Variants in MOG observed in about 807,000 individuals in gnomAD.
The protein encoded by MOG is myelin oligodendrocyte glycoprotein.
Under a neutral mutation model 35.9 loss-of-function variants are expected in MOG, and 20 were observed. The observed-to-expected ratio is 0.56, with a 90% CI of 0.39 to 0.81. MOG has a LOEUF of 0.81. MOG is among the 30% of genes least tolerant of loss of function. The pLI, the probability that MOG is intolerant of heterozygous loss-of-function variation, is 0.00. For missense variants in MOG, 251 were observed against 301.0 expected, an observed-to-expected ratio of 0.83 and a Z score of 1.23; for synonymous variants, 92 against 114.3, an observed-to-expected ratio of 0.80 and a Z score of 1.25.
rs909589307 is a variant in MOG, at chr6:29,662,772, C to G, written c.436+3106C>G. Among the ~76,000 whole-genome samples the G allele has an allele frequency of 1.6e-4, 24 of 152,156 alleles. No homozygotes were observed. Among genetic ancestry groups the G allele is most frequent in the African/African-American group, 5.3e-4 (22 of 41,450 alleles). On this transcript the variant is annotated intron_variant, in intron 2 of 7. Coordinates refer to ENST00000376917, the MANE Select transcript of MOG (RefSeq NM_206809.4). The surrounding 1 kb of genome is among the most constrained non-coding windows in gnomAD (Gnocchi z 4.2). ...TGCCTCCCGGGCAGAAGCCATCCTC[C>G]CACCTCAGCCTACATAGTAGCTGGG...
chr6:29,665,635 T>C (rs1770042540), intron 2 of MOG, among the ~76,000 whole-genome samples: 1 of 151,388 alleles, frequency 6.6e-6, no homozygotes, highest in Admixed American at 6.6e-5. Flanking sequence ...TCTCTTAACA[T>C]TTCTCCCTAT....
chr6:29,663,816 G>T (rs1562191700), intron 2 of MOG, among the ~76,000 whole-genome samples: 1 of 152,152 alleles, frequency 6.6e-6, no homozygotes, highest in Non-Finnish European at 1.5e-5. Context: ...GAAAGTAAAG[G>T]TAGCTGCATT....
In MOG at chr6:29,672,314, A is replaced by AAATG; in HGVS notation, c.*1132_*1133insGAAT. ...AAAATAAATAAATAAATAAATAAAT[A>AAATG]AATAAATAAATAAATAAATAAAAAA... On this transcript the variant is annotated 3_prime_UTR_variant, in exon 8 of 8. Transcript: ENST00000376917. 4.0e-6 allele frequency: 1 copy of AAATG among 251,652 alleles called. No homozygotes were observed. The highest frequency in any genetic ancestry group is 8.0e-5 in the East Asian group (1 of 12,566). The allele number at this position is 251,652 out of a possible 1,614,324, so 15.6% of individuals were successfully genotyped here.
rs1471640704 is a variant in MOG, at chr6:29,661,813, T to G, written c.436+2147T>G. The G allele has an allele frequency of 1.0e-3, 822 of 821,920 alleles. 1 individual carries two copies. Among genetic ancestry groups the G allele is most frequent in the Middle Eastern group, 5.8e-3 (9 of 1,562 alleles). 50.9% of individuals were successfully genotyped at this position (821,920 alleles called of 1,614,324 possible). ...TCTGGGCAAGAAAAGTGGAACTCCATCTCAAAAAAAAAAAAAAAAAAAAAA... is the reference window on the plus strand; with the variant it reads ...TCTGGGCAAGAAAAGTGGAACTCCAGCTCAAAAAAAAAAAAAAAAAAAAAA... On this transcript the variant is annotated intron_variant, in intron 2 of 7. Transcript: ENST00000376917.
intron 1 of MOG, 45 bp downstream of exon 1, chr6:29,657,342 G>C (rs1767317369): frequency 1.4e-6 from 2 of 1,429,230 alleles, no homozygotes; most frequent in Middle Eastern, 1.7e-4. Context: ...CCTGAAAACA[G>C]AAAGGCTAGT....
At chr6:29,664,907 A>C in intron 2 of MOG, 1 of 236,168 alleles carries the variant, frequency 4.2e-6, no homozygotes, top group Non-Finnish European at 8.6e-6. Context: ...CACCACACCT[A>C]GCCAGAAGAA....
At chr6:29,667,570 C>T (rs1045451539) in intron 3 of MOG, 73 bp from the exon 4 acceptor site, 37 of 1,515,450 alleles carry the variant, frequency 2.4e-5, no homozygotes, top group East Asian at 1.4e-4. Flanking sequence ...GGGGCCCAGG[C>T]GCTGGGTGTG....
chr6:29,657,423 C>T (rs368463842), intron 1 of MOG, 126 bp downstream of exon 1: 2 of 762,768 alleles, frequency 2.6e-6, no homozygotes. Flanking sequence ...GACCTACTGA[C>T]ATGCCTCCCT....
Position 29,666,260 on chromosome 6 carries a change from T to C in MOG, c.545T>C (p.Leu182Pro). 6.3e-7 allele frequency: 1 copy of C among 1,588,758 alleles called. No individual in the cohort carries two copies. Among genetic ancestry groups the C allele is most frequent in the African/African-American group, 1.3e-5 (1 of 74,562 alleles). Reference protein sequence around the residue: ...GLIFLCLQYRLRGKLRAEIEN... With the variant: ...GLIFLCLQYRPRGKLRAEIEN... Reference sequence around the variant, plus strand: ...ATCTTCCTCTGCCTGCAGTACAGACTGAGAGGTACAGGGCAGAGGGTGGGT... The same window carrying C: ...ATCTTCCTCTGCCTGCAGTACAGACCGAGAGGTACAGGGCAGAGGGTGGGT... The change falls in exon 3 of 8, where the codon CTG becomes CCG. Residue 182 changes from leucine (L) to proline (P), a missense_variant. Transcript: ENST00000376917.
At chr6:29,665,163 C>A (rs1769922006) in intron 2 of MOG, among the ~76,000 whole-genome samples, 1 of 150,812 alleles carries the variant, frequency 6.6e-6, no homozygotes, top group Admixed American at 6.6e-5. Context: ...ATGGCAAGAT[C>A]TCGGCTCACC....
intron 5 of MOG, among the ~76,000 whole-genome samples, chr6:29,668,662 G>GT (rs201103919): frequency 0.019 from 2,843 of 152,248 alleles, 42 homozygotes; most frequent in Admixed American, 0.034. Context: ...AATTAGACCA[G>GT]TGTGTGGACC....
chr6:29,660,732 T>G (rs1253004980), intron 2 of MOG, among the ~76,000 whole-genome samples: 1 of 148,990 alleles, frequency 6.7e-6, no homozygotes, highest in Non-Finnish European at 1.5e-5. Flanking sequence ...TTCTTTCTTT[T>G]CTTTTTTTTT....
At position 29,659,342 on chromosome 6, in the gene MOG, A is replaced by G; in HGVS notation, c.112A>G (p.Arg38Gly). 1 of 1,612,900 alleles carries G rather than the reference A, an allele frequency of 6.2e-7. No individual in the cohort carries two copies. The highest frequency in any genetic ancestry group is 1.3e-5 in the African/African-American group (1 of 75,018). ...AGGGCAGTTCAGAGTGATAGGACCA[A>G]GACACCCTATCCGGGCTCTGGTCGG... is the stretch of plus-strand genomic sequence containing the variant. Reference protein sequence around the residue: ...YAGQFRVIGPRHPIRALVGDE... With the variant: ...YAGQFRVIGPGHPIRALVGDE... Residue 38 changes from arginine to glycine, a missense_variant, in exon 2 of 8, where the codon AGA becomes GGA. Transcript: ENST00000376917.
intron 5 of MOG, among the ~76,000 whole-genome samples, chr6:29,668,287 T>G (rs1770666188): frequency 6.6e-6 from 1 of 152,180 alleles, no homozygotes; most frequent in Non-Finnish European, 1.5e-5. Context: ...AAGACACAAC[T>G]GTATCACCTG....
chr6:29,658,977 C>T (rs895733613), intron 1 of MOG, among the ~76,000 whole-genome samples: 2 of 151,758 alleles, frequency 1.3e-5, no homozygotes, highest in East Asian at 1.9e-4. Context: ...CTGGATGCGG[C>T]GGTAGGTGCC....
At chr6:29,665,393 G>C (rs1340375018) in intron 2 of MOG, among the ~76,000 whole-genome samples, 1 of 152,038 alleles carries the variant, frequency 6.6e-6, no homozygotes, top group Non-Finnish European at 1.5e-5. Context: ...ACCGCACCTG[G>C]CCAATATTTG....
Position 29,670,035 on chromosome 6 carries a change from T to C in MOG, c.593-246T>C. ...CCACCCGTCTCGGACTCCCAGAGTG[T>C]TGGGATTACAGGCATGAGCCACCAC... On this transcript the variant is annotated intron_variant, in intron 5 of 7. Transcript: ENST00000376917. The surrounding 1 kb of genome is among the most constrained non-coding windows in gnomAD (Gnocchi z 4.2). The C allele has an allele frequency of 1.4e-6, 1 of 738,412 alleles. No homozygotes were observed. The allele number at this position is 738,412 out of a possible 1,614,324, so 45.7% of individuals were successfully genotyped here. A position where few individuals can be genotyped will look rare whatever the true frequency, so the allele number is the denominator to read the frequency against.
At chr6:29,665,937 T>G (rs1421108811) in intron 2 of MOG, among the ~76,000 whole-genome samples, 1 of 152,114 alleles carries the variant, frequency 6.6e-6, no homozygotes, top group Non-Finnish European at 1.5e-5. Context: ...CAATCTTGAC[T>G]TTAAACCACT....
intron 2 of MOG, among the ~76,000 whole-genome samples, chr6:29,663,271 A>C (rs1045597599): frequency 6.7e-6 from 1 of 150,170 alleles, no homozygotes; most frequent in African/African-American, 2.4e-5. Flanking sequence ...AGACTCAAAA[A>C]AAAAAAAAAA....
Sources: gnomAD v4.1 joint callset for allele counts (sites outside exome capture counted in the v4.1 genomes callset) on GRCh38, gnomAD v4.1.1 for gene constraint, Gnocchi (gnomAD v3.1) non-coding constraint, MANE v1.5 for transcripts, NCBI Gene and HGNC (gene_info 2026-07-23, HGNC 2026-07-21) for gene names.